The following PI4K2A variants were observed in gnomAD, a reference collection of about 807,000 sequenced individuals.
The protein encoded by PI4K2A is phosphatidylinositol 4-kinase type 2-alpha.
A neutral mutation model predicts 55.0 loss-of-function variants in PI4K2A; 20 were observed. The ratio of observed to expected loss-of-function variants is 0.36; its 90% CI spans 0.26 to 0.53. PI4K2A has a LOEUF of 0.53. Among genes scored for constraint, PI4K2A ranks in the 20% least tolerant of loss-of-function variants. PI4K2A has a pLI of 0.91. For missense variants in PI4K2A, 463 were observed against 637.1 expected (o/e 0.73, Z 2.94); for synonymous variants, 235 against 258.5 (o/e 0.91, Z 0.87).
intron 1 of PI4K2A, among the ~76,000 whole-genome samples, chr10:97,641,919 C>T (rs1362237354): frequency 6.6e-6 from 1 of 152,156 alleles, no homozygotes; most frequent in Non-Finnish European, 1.5e-5. Flanking sequence ...ATTTTGTCCC[C>T]TGCCTGTATA....
chr10:97,671,145 A>G (rs1010596125), intron 8 of PI4K2A, among the ~76,000 whole-genome samples: 3 of 151,974 alleles, frequency 2.0e-5, no homozygotes, highest in Admixed American at 6.6e-5. Context: ...CTCAGAAAAA[A>G]AAAAAGAGAG....
chr10:97,668,161 A>G (rs568156838), intron 8 of PI4K2A, among the ~76,000 whole-genome samples: 1 of 152,238 alleles, frequency 6.6e-6, no homozygotes, highest in South Asian at 2.1e-4. Context: ...TTAAGGGTGC[A>G]AACTGTGGTC....
chr10:97,640,818 G>C (rs1316852881), exon 1 of PI4K2A: 9 of 1,459,440 alleles, frequency 6.2e-6, no homozygotes, highest in African/African-American at 1.5e-5. Context: ...GGGCTCGGGC[G>C]CTCACTTTCC....
chr10:97,643,661 C>T (rs1191171259), intron 1 of PI4K2A, among the ~76,000 whole-genome samples: 1 of 152,182 alleles, frequency 6.6e-6, no homozygotes, highest in Non-Finnish European at 1.5e-5. Flanking sequence ...TTGACGTACT[C>T]ATACTGCTTC....
chr10:97,649,855 C>T (rs1056370835), intron 1 of PI4K2A, among the ~76,000 whole-genome samples: 3 of 151,840 alleles, frequency 2.0e-5, no homozygotes, highest in Non-Finnish European at 2.9e-5. Context: ...AACTCTTGAC[C>T]TCAGGTTATC....
At chr10:97,641,199 G>T in intron 1 of PI4K2A, 22 bp downstream of exon 1, 1 of 1,566,604 alleles carries the variant, frequency 6.4e-7, no homozygotes. Context: ...GGTGGGGACC[G>T]CCGCCGCGGG....
chr10:97,668,873 T>C (rs894514140), intron 8 of PI4K2A, among the ~76,000 whole-genome samples: 2 of 151,850 alleles, frequency 1.3e-5, no homozygotes, highest in Admixed American at 1.3e-4. Context: ...CAGAGGTTTT[T>C]TTTTTCTTTT....
chr10:97,657,366 G>T (rs1339331762), intron 4 of PI4K2A, among the ~76,000 whole-genome samples: 2 of 151,924 alleles, frequency 1.3e-5, no homozygotes, highest in African/African-American at 4.8e-5. Flanking sequence ...ATGTATTGAG[G>T]ACAAAAGTCT....
At chr10:97,663,055 C>A in intron 5 of PI4K2A, 87 bp downstream of exon 5, 2 of 905,088 alleles carry the variant, frequency 2.2e-6, no homozygotes, top group South Asian at 1.3e-5. Context: ...GTAGTTCATA[C>A]AAGTTCAGAA....
At chr10:97,646,387 T>A (rs1432843003) in intron 1 of PI4K2A, among the ~76,000 whole-genome samples, 1 of 151,938 alleles carries the variant, frequency 6.6e-6, no homozygotes, top group Non-Finnish European at 1.5e-5. Context: ...CGGCTAATTT[T>A]CGTATTTTTA....
chr10:97,640,754 G>T, exon 1 of PI4K2A: 1 of 1,506,866 alleles, frequency 6.6e-7, no homozygotes, highest in Non-Finnish European at 8.9e-7. Flanking sequence ...TGGACGAGAC[G>T]AGCCCACTAG....
At chr10:97,650,138 T>C (rs2041523659) in intron 1 of PI4K2A, among the ~76,000 whole-genome samples, 1 of 152,116 alleles carries the variant, frequency 6.6e-6, no homozygotes, top group Non-Finnish European at 1.5e-5. Flanking sequence ...AATTCCTCAT[T>C]TTTTTGGGGG....
At chr10:97,665,315 C>G (rs375005250) in intron 6 of PI4K2A, among the ~76,000 whole-genome samples, 1 of 151,890 alleles carries the variant, frequency 6.6e-6, no homozygotes, top group East Asian at 1.9e-4. Context: ...GCTCTTGTTG[C>G]CCAGGCTAGA....
Position 97,656,509 on chromosome 10 carries a change from G to A in PI4K2A, c.768+93G>A. Reference sequence around the variant, plus strand: ...CAAGGTGCCTACAACTCAAATATGGGCACGTGAATAACCTGCCCTGAGGAT... The same window carrying A: ...CAAGGTGCCTACAACTCAAATATGGACACGTGAATAACCTGCCCTGAGGAT... On this transcript the variant is annotated intron_variant, in intron 3 of 8. Coordinates refer to ENST00000370631, the Ensembl canonical transcript of PI4K2A. The surrounding 1 kb of genome is among the most constrained non-coding windows in gnomAD (Gnocchi z 4.5). 8.2e-7 allele frequency: 1 copy of A among 1,224,886 alleles called. No homozygotes were observed. The highest frequency in any genetic ancestry group is 1.2e-6 in the Non-Finnish European group (1 of 849,266). 75.9% of individuals were successfully genotyped at this position (1,224,886 alleles called of 1,614,324 possible).
At chr10:97,673,614 A>C (rs926170004) in exon 9 of PI4K2A, 2 of 1,614,054 alleles carry the variant, frequency 1.2e-6, no homozygotes, top group Non-Finnish European at 1.7e-6. Flanking sequence ...GAAAGACAAC[A>C]AGAGTCCCCT....
At chr10:97,675,813 T>C (rs2041661427) in exon 9 of PI4K2A, 1 of 152,640 alleles carries the variant, frequency 6.6e-6, no homozygotes, top group African/African-American at 2.4e-5. Context: ...TGTGCTCAGG[T>C]TGCCTTGAAT....
Position 97,656,946 on chromosome 10 carries a change from G to C in PI4K2A, c.894G>C (p.Val298=). The C allele has an allele frequency of 6.2e-7, 1 of 1,614,174 alleles. No homozygotes were observed. ...TACTGCTCCAGTTTGAGCGGTTGGT[G>C]GTGCTGGATTACATCATCCGCAACA... Residue 298 remains valine (V), a synonymous_variant, in exon 4 of 9, where the codon GTG becomes GTC. Transcript: ENST00000370631. This position sits in a 1 kb window ranked among gnomAD's most constrained non-coding sequence, Gnocchi z 4.5.
At chr10:97,673,738 G>C in exon 9 of PI4K2A, 1 of 1,613,928 alleles carries the variant, frequency 6.2e-7, no homozygotes, top group Non-Finnish European at 8.5e-7. Context: ...TTTTCATGGT[G>C]GTAGCTCCAG....
Position 97,656,734 on chromosome 10 carries a change from G to C in PI4K2A, c.769-87G>C. The C allele has an allele frequency of 8.5e-7, 1 of 1,183,006 alleles. No individual in the cohort carries two copies. Among genetic ancestry groups the C allele is most frequent in the South Asian group, 1.3e-5 (1 of 74,504 alleles). 73.3% of individuals were successfully genotyped at this position (1,183,006 alleles called of 1,614,324 possible). Reference sequence around the variant, plus strand: ...TCCTTCTCTGATACAAACTCCATAGGGCCTTAATGGGTATCTGGCATATAC... The same window carrying C: ...TCCTTCTCTGATACAAACTCCATAGCGCCTTAATGGGTATCTGGCATATAC... On this transcript the variant is annotated intron_variant, in intron 3 of 8. Transcript: ENST00000370631. The surrounding 1 kb of genome is among the most constrained non-coding windows in gnomAD (Gnocchi z 4.5).
Sources: gnomAD v4.1 joint callset for allele counts (sites outside exome capture counted in the v4.1 genomes callset) on GRCh38, gnomAD v4.1.1 for gene constraint, Gnocchi (gnomAD v3.1) non-coding constraint, MANE v1.5 for transcripts, NCBI Gene and HGNC (gene_info 2026-07-23, HGNC 2026-07-21) for gene names.